EXT2: variants seen among roughly 807,000 people sequenced by gnomAD.
EXT2 encodes exostosin-2.
A neutral mutation model predicts 81.6 loss-of-function variants in EXT2; 53 were observed. The ratio of observed to expected loss-of-function variants is 0.65; its 90% confidence interval spans 0.52 to 0.82. EXT2 has a LOEUF of 0.82. Ranked by LOEUF, EXT2 falls within the 40% of genes least tolerant of loss-of-function variation. The pLI, the probability that EXT2 is intolerant of heterozygous loss-of-function variation, is 0.00. For missense variants in EXT2, 774 were observed against 910.2 expected (o/e 0.85, Z 1.93); for synonymous variants, 320 against 340.0 (o/e 0.94, Z 0.65).
At position 44,248,578 on chromosome 11, in the gene EXT2, C is replaced by T. The variant is rs1956114689; in HGVS notation, c.*4291C>T. ...ACAGGCCTTATTGAGCTTATCTTGGCAGAGGAAAGTCAGGCAGGCAAGACC... is the reference window on the plus strand; with the variant it reads ...ACAGGCCTTATTGAGCTTATCTTGGTAGAGGAAAGTCAGGCAGGCAAGACC... On this transcript the variant is annotated 3_prime_UTR_variant, in exon 14 of 14. Transcript: ENST00000533608. Among the ~76,000 whole-genome samples, 1 of 152,204 alleles carries T rather than the reference C, an allele frequency of 6.6e-6. No homozygotes were observed. Among genetic ancestry groups the T allele is most frequent in the Admixed American group, 6.5e-5 (1 of 15,284 alleles).
rs148753786 is a variant in EXT2 at position 44,197,930 on chromosome 11, C to T, written c.1407C>T (p.Leu469=). The change falls in exon 9 of 14, where the codon CTC becomes CTT. Residue 469 remains leucine, a synonymous_variant. Coordinates refer to ENST00000533608, the MANE Select transcript of EXT2 (RefSeq NM_207122.2). ...TCACCTACGACCGAGTAGAGAGCCT[C>T]TTCCGGGTCATCACTGAAGTGTCCA... ...IVLTYDRVES[L]FRVITEVSKV... 151 of 1,613,992 alleles carry T rather than the reference C, an allele frequency of 9.4e-5. No individual in the cohort carries two copies. The highest frequency in any genetic ancestry group is 1.2e-4 in the Non-Finnish European group (143 of 1,179,986).
chr11:44,097,763 AATAAAT>A lies in EXT2; in HGVS notation c.-31+1913_-31+1918del, dbSNP rs1471613741. Among the ~76,000 whole-genome samples the A allele has an allele frequency of 5.8e-4, 3 of 5,174 alleles. No individual in the cohort carries two copies. The African/African-American group carries it at 9.6e-3, about 16-fold the overall frequency. The allele number at this position is 5,174 out of a possible 152,430, so 3.4% of individuals were successfully genotyped here. On this transcript the variant is annotated intron_variant, in intron 1 of 13. Transcript: ENST00000533608. ...GACAGAGCAAGACTCCATCTCAAAA[AATAAAT>A]AAATAAATAAATAAATAAATAAATA...
At chr11:44,141,097 A>T (rs890013198) in intron 7 of EXT2, among the ~76,000 whole-genome samples, 1 of 152,190 alleles carries the variant, frequency 6.6e-6, no homozygotes, top group Admixed American at 6.5e-5. Context: ...CCTCCTGCAG[A>T]TACCAGAACT....
rs377729775 is a variant in EXT2 at position 44,236,402 on chromosome 11, G to A, written c.2018+27G>A. 4.4e-5 allele frequency: 71 copies of A among 1,606,154 alleles called. No homozygotes were observed. The African/African-American group carries it at 6.4e-4, about 15-fold the overall frequency. ...TAAGTGAGCCTCCAACCAAAAGTGC[G>A]CCTTAGCCTCTGATCTCTATTTCCT... On this transcript the variant is annotated intron_variant, in intron 13 of 13. Coordinates refer to ENST00000533608, the MANE Select transcript of EXT2 (RefSeq NM_207122.2).
chr11:44,224,127 A>T (rs1331630951), intron 10 of EXT2, among the ~76,000 whole-genome samples: 1 of 152,194 alleles, frequency 6.6e-6, no homozygotes, highest in African/African-American at 2.4e-5. Context: ...TTACAACTAC[A>T]TGTGAATCTA....
intron 1 of EXT2, among the ~76,000 whole-genome samples, chr11:44,103,250 A>G (rs1171949322): frequency 6.6e-6 from 1 of 151,504 alleles, no homozygotes; most frequent in Non-Finnish European, 1.5e-5. Flanking sequence ...CATTTTCTTT[A>G]TATATATATA....
At chr11:44,168,223 CA>C in intron 7 of EXT2, among the ~76,000 whole-genome samples, 1 of 151,806 alleles carries the variant, frequency 6.6e-6, no homozygotes, top group Admixed American at 6.6e-5. Context: ...GGTTTAATAG[CA>C]GTTTAAACAC....
intron 8 of EXT2, 121 bp from the exon 9 acceptor site, chr11:44,197,708 G>A: frequency 1.0e-6 from 1 of 988,642 alleles, no homozygotes; most frequent in East Asian, 2.4e-5. Flanking sequence ...CAGTTGCTTA[G>A]CTCTGGGATC....
intron 7 of EXT2, among the ~76,000 whole-genome samples, chr11:44,160,431 A>T (rs1053260056): frequency 2.6e-5 from 4 of 152,192 alleles, no homozygotes; most frequent in Non-Finnish European, 4.4e-5. Flanking sequence ...CAGAATGGTG[A>T]CTTCTAAGCT....
At chr11:44,235,004 T>A (rs1243195857) in intron 12 of EXT2, among the ~76,000 whole-genome samples, 1 of 152,184 alleles carries the variant, frequency 6.6e-6, no homozygotes, top group Non-Finnish European at 1.5e-5. Context: ...TACAGCATTA[T>A]CCATTGATTC....
chr11:44,238,682 A>C (rs1955999274), intron 13 of EXT2, among the ~76,000 whole-genome samples: 1 of 152,212 alleles, frequency 6.6e-6, no homozygotes. Flanking sequence ...ATTGTTAAGA[A>C]TAACTTTCTA....
intron 7 of EXT2, among the ~76,000 whole-genome samples, chr11:44,153,976 G>GT (rs1163757634): frequency 6.7e-6 from 1 of 150,054 alleles, no homozygotes; most frequent in African/African-American, 2.5e-5. Flanking sequence ...TTGGTCTGTA[G>GT]TTTTCTGTTT....
At chr11:44,211,082 G>C (rs1021654538) in intron 10 of EXT2, among the ~76,000 whole-genome samples, 1 of 152,142 alleles carries the variant, frequency 6.6e-6, no homozygotes, top group Non-Finnish European at 1.5e-5. Flanking sequence ...ATCAAGACGT[G>C]GTGGTATTGG....
At chr11:44,115,011 C>T (rs1246807198) in intron 4 of EXT2, among the ~76,000 whole-genome samples, 13 of 152,142 alleles carry the variant, frequency 8.5e-5, no homozygotes. Flanking sequence ...CAGCTTGAAA[C>T]CACCTTCTGG....
chr11:44,121,298 G>C (rs1443812380), intron 4 of EXT2, among the ~76,000 whole-genome samples: 1 of 152,188 alleles, frequency 6.6e-6, no homozygotes, highest in Non-Finnish European at 1.5e-5. Flanking sequence ...ATCTAACCCA[G>C]AGTCTTTCTT....
chr11:44,227,046 C>T (rs1955845150), intron 10 of EXT2, among the ~76,000 whole-genome samples: 1 of 152,184 alleles, frequency 6.6e-6, no homozygotes, highest in Non-Finnish European at 1.5e-5. Context: ...GTGCCTTTGA[C>T]AGTGTGATGA....
At chr11:44,130,733 T>C (rs540818642) in intron 7 of EXT2, among the ~76,000 whole-genome samples, 1 of 152,220 alleles carries the variant, frequency 6.6e-6, no homozygotes, top group Non-Finnish European at 1.5e-5. Flanking sequence ...TTTAATTGGG[T>C]TTAAATATCA....
chr11:44,192,291 T>C (rs1955401974), intron 8 of EXT2, among the ~76,000 whole-genome samples: 1 of 151,936 alleles, frequency 6.6e-6, no homozygotes, highest in Non-Finnish European at 1.5e-5. Flanking sequence ...ATTGTGTAGA[T>C]CTCGGTGTTT....
At chr11:44,223,873 G>A (rs778884813) in intron 10 of EXT2, among the ~76,000 whole-genome samples, 3 of 152,022 alleles carry the variant, frequency 2.0e-5, no homozygotes, top group Non-Finnish European at 4.4e-5. Context: ...GGATAGTCTC[G>A]ATCTCCTGAC....
Sources: gnomAD v4.1 joint callset for allele counts (sites outside exome capture counted in the v4.1 genomes callset) on GRCh38, gnomAD v4.1.1 for gene constraint, MANE v1.5 for transcripts, NCBI Gene and HGNC (gene_info 2026-07-23, HGNC 2026-07-21) for gene names.